CSMD1: variants seen among roughly 807,000 people sequenced by gnomAD.
The protein encoded by CSMD1 is CUB and sushi domain-containing protein 1.
CSMD1 carries 213 observed loss-of-function variants against 417.5 expected under a neutral mutation model. The observed-to-expected ratio is 0.51, with a 90% CI of 0.46 to 0.57. The LOEUF is 0.57. Ranked by LOEUF, CSMD1 falls within the 20% of genes least tolerant of loss-of-function variation. The pLI is 0.00. For synonymous variants in CSMD1, 2,862 were observed against 1,736.8 expected, an observed-to-expected ratio of 1.65 and a Z score of -16.11; for missense variants, 6,923 against 4,529.7, an observed-to-expected ratio of 1.53 and a Z score of -15.17.
At chr8:4,977,097 A>G (rs1193606020) in intron 1 of CSMD1, among the ~76,000 whole-genome samples, 1 of 152,206 alleles carries the variant, frequency 6.6e-6, no homozygotes, top group Non-Finnish European at 1.5e-5. Flanking sequence ...TTCTCTCAAG[A>G]TGGAGCACAT....
chr8:3,519,036 C>T lies in CSMD1; in HGVS notation c.1345-25310G>A, dbSNP rs1005932842. On this transcript the variant is annotated intron_variant, in intron 10 of 69. Coordinates refer to ENST00000635120, the MANE Select transcript of CSMD1 (RefSeq NM_033225.6). ...TTTGCAAGCTAACTTCTGTTTCTAT[C>T]GCAACATTTTAAAAATCCTCTTAAA... Among the ~76,000 whole-genome samples the T allele has an allele frequency of 4.6e-5, 7 of 152,268 alleles. No homozygotes were observed. In the East Asian group the frequency reaches 7.7e-4, roughly 17 times the overall value.
At chr8:4,882,607 A>G (rs910828624) in intron 1 of CSMD1, among the ~76,000 whole-genome samples, 1 of 151,908 alleles carries the variant, frequency 6.6e-6, no homozygotes, top group African/African-American at 2.4e-5. Context: ...GAAAGATGCA[A>G]TGAGGTATTC....
chr8:3,877,971 T>C (rs970800165), intron 5 of CSMD1, among the ~76,000 whole-genome samples: 2 of 152,170 alleles, frequency 1.3e-5, no homozygotes, highest in South Asian at 4.1e-4. Flanking sequence ...AAAGTTTTTT[T>C]TTTTTTAAAC....
chr8:4,701,243 G>A (rs549204926), intron 1 of CSMD1, among the ~76,000 whole-genome samples: 1 of 151,742 alleles, frequency 6.6e-6, no homozygotes, highest in African/African-American at 2.4e-5. Flanking sequence ...CACTTCTCAG[G>A]TCTGCTTCCA....
At chr8:3,265,680 C>G (rs1801381152) in intron 26 of CSMD1, among the ~76,000 whole-genome samples, 1 of 152,198 alleles carries the variant, frequency 6.6e-6, no homozygotes, top group Non-Finnish European at 1.5e-5. Context: ...GGATTTTATT[C>G]TAATATAAGT....
chr8:4,504,344 T>A (rs1237860560), intron 2 of CSMD1, among the ~76,000 whole-genome samples: 1 of 152,124 alleles, frequency 6.6e-6, no homozygotes, highest in Non-Finnish European at 1.5e-5. Context: ...GAATTGCTAT[T>A]TAAGGGGTAC....
intron 26 of CSMD1, among the ~76,000 whole-genome samples, chr8:3,242,863 A>G (rs965655154): frequency 4.0e-5 from 6 of 151,742 alleles, no homozygotes; most frequent in African/African-American, 1.2e-4. Flanking sequence ...GAAATAAGGG[A>G]TCGGGGTACA....
At chr8:3,379,688 T>C (rs1449427523) in intron 18 of CSMD1, among the ~76,000 whole-genome samples, 2 of 152,184 alleles carry the variant, frequency 1.3e-5, no homozygotes, top group African/African-American at 4.8e-5. Context: ...GAAAACTGGC[T>C]AGCCATATGC....
intron 1 of CSMD1, among the ~76,000 whole-genome samples, chr8:4,955,737 T>G (rs191128645): frequency 3.5e-5 from 5 of 144,848 alleles, no homozygotes. Context: ...ATTACAGGCG[T>G]GAGCCACCAC....
At chr8:4,395,170 A>T (rs1335794930) in intron 3 of CSMD1, among the ~76,000 whole-genome samples, 1 of 152,116 alleles carries the variant, frequency 6.6e-6, no homozygotes, top group African/African-American at 2.4e-5. Context: ...CCCTTAGAAC[A>T]ACCCCTCCTC....
intron 3 of CSMD1, among the ~76,000 whole-genome samples, chr8:4,255,436 T>A (rs1434848722): frequency 6.6e-6 from 1 of 152,202 alleles, no homozygotes; most frequent in Non-Finnish European, 1.5e-5. Flanking sequence ...GTTTTCTCAC[T>A]TACTTTGAAA....
chr8:3,123,292 C>T (rs1817313225), intron 41 of CSMD1, among the ~76,000 whole-genome samples: 1 of 152,144 alleles, frequency 6.6e-6, no homozygotes, highest in South Asian at 2.1e-4. Context: ...AGGGACCACT[C>T]CAGGCTGAAG....
chr8:4,042,703 A>G (rs1412886990), intron 3 of CSMD1, among the ~76,000 whole-genome samples: 1 of 151,524 alleles, frequency 6.6e-6, no homozygotes, highest in Non-Finnish European at 1.5e-5. Context: ...TTAGGTTTCT[A>G]ACATATGTAG....
At chr8:2,961,076 T>C in intron 62 of CSMD1, 65 bp downstream of exon 62, 2 of 1,124,706 alleles carry the variant, frequency 1.8e-6, no homozygotes, top group Admixed American at 2.4e-5. Flanking sequence ...CACTCACATA[T>C]GTTTAAGTAA....
At chr8:4,950,046 G>A (rs574189073) in intron 1 of CSMD1, among the ~76,000 whole-genome samples, 8 of 151,912 alleles carry the variant, frequency 5.3e-5, no homozygotes, top group South Asian at 2.1e-4. Flanking sequence ...AATGGCACAG[G>A]GAAGAACCTA....
intron 12 of CSMD1, among the ~76,000 whole-genome samples, chr8:3,432,502 T>C (rs1264957492): frequency 1.4e-5 from 2 of 146,204 alleles, no homozygotes; most frequent in Non-Finnish European, 3.0e-5. Context: ...TTGTTTTCAA[T>C]ATGGGCTTTT....
At chr8:4,891,437 T>C (rs1024566974) in intron 1 of CSMD1, among the ~76,000 whole-genome samples, 9 of 152,158 alleles carry the variant, frequency 5.9e-5, no homozygotes, top group African/African-American at 2.2e-4. Context: ...CATGCTACTG[T>C]GTGTGAACCT....
intron 2 of CSMD1, among the ~76,000 whole-genome samples, chr8:4,427,540 C>T (rs955663871): frequency 6.6e-6 from 1 of 151,914 alleles, no homozygotes; most frequent in Non-Finnish European, 1.5e-5. Context: ...CACAGTGAAT[C>T]ATGTGAGTAT....
At chr8:4,741,480 A>G (rs1393032629) in intron 1 of CSMD1, among the ~76,000 whole-genome samples, 1 of 152,226 alleles carries the variant, frequency 6.6e-6, no homozygotes, top group Non-Finnish European at 1.5e-5. Context: ...TCATAAACAT[A>G]CACAAATATT....
Sources: gnomAD v4.1 joint callset for allele counts (sites outside exome capture counted in the v4.1 genomes callset) on GRCh38, gnomAD v4.1.1 for gene constraint, MANE v1.5 for transcripts, NCBI Gene and HGNC (gene_info 2026-07-23, HGNC 2026-07-21) for gene names.